Variants in SBF2 observed in about 807,000 individuals in gnomAD.
The protein encoded by SBF2 is myotubularin-related protein 13.
SBF2 carries 112 observed loss-of-function variants against 225.2 expected under a neutral mutation model. The ratio of observed to expected loss-of-function variants is 0.50; its 90% CI spans 0.43 to 0.58. The LOEUF is 0.58. SBF2 is among the 20% of genes least tolerant of loss of function. The pLI, the probability that SBF2 is intolerant of heterozygous loss-of-function variation, is 0.00. For missense variants in SBF2, 1,996 were observed against 2,206.2 expected (o/e 0.90, Z 1.91); for synonymous variants, 763 against 773.3 (o/e 0.99, Z 0.22).
At chr11:10,153,367 T>C (rs1311253487) in intron 2 of SBF2, among the ~76,000 whole-genome samples, 1 of 152,198 alleles carries the variant, frequency 6.6e-6, no homozygotes, top group African/African-American at 2.4e-5. Context: ...ACCATGCAGT[T>C]AAATTCAAAA....
chr11:9,857,235 G>A (rs928559579), intron 18 of SBF2, among the ~76,000 whole-genome samples: 1 of 152,160 alleles, frequency 6.6e-6, no homozygotes, highest in Non-Finnish European at 1.5e-5. Flanking sequence ...CAAACCTCAG[G>A]AAGCAGCAGC....
In SBF2 at chr11:9,858,399, G is replaced by A. The variant is rs200326515; in HGVS notation, c.1930-3C>T. On this transcript the variant is annotated splice_polypyrimidine_tract_variant and splice_region_variant and intron_variant, in intron 17 of 39. Coordinates refer to ENST00000256190, the MANE Select transcript of SBF2 (RefSeq NM_030962.4). ...TGGCTGACTCCAGGGGCAAGTTTCT[G>A]TGAGAACACACAAAATACATCATCA... 3.1e-6 allele frequency: 5 copies of A among 1,614,056 alleles called. No homozygotes were observed. The highest frequency in any genetic ancestry group is 1.7e-5 in the Admixed American group (1 of 60,022).
intron 2 of SBF2, among the ~76,000 whole-genome samples, chr11:10,102,559 G>A (rs1262325607): frequency 6.6e-6 from 1 of 152,192 alleles, no homozygotes; most frequent in Non-Finnish European, 1.5e-5. Context: ...AGTTCAGAGG[G>A]TTTTAAAGAT....
intron 13 of SBF2, among the ~76,000 whole-genome samples, chr11:9,976,765 T>C (rs1946705783): frequency 6.6e-6 from 1 of 151,106 alleles, no homozygotes; most frequent in African/African-American, 2.4e-5. Context: ...TTTTTTGTTG[T>C]TGTTGTTTTT....
chr11:10,102,265 C>T (rs557726557), intron 2 of SBF2, among the ~76,000 whole-genome samples: 132 of 152,338 alleles, frequency 8.7e-4, no homozygotes, highest in African/African-American at 3.0e-3. Flanking sequence ...GTTAGCCTGG[C>T]TCCCCAGCTA....
chr11:9,958,095 G>GA (rs1468980244), intron 16 of SBF2: 2 of 151,990 alleles, frequency 1.3e-5, no homozygotes, highest in East Asian at 3.9e-4. Context: ...GTCCCTCAAA[G>GA]AAAAAATCCC....
intron 1 of SBF2, among the ~76,000 whole-genome samples, chr11:10,208,693 T>C (rs1278713940): frequency 6.6e-6 from 1 of 152,088 alleles, no homozygotes; most frequent in African/African-American, 2.4e-5. Context: ...CCACAGAATA[T>C]TTAGCCTCCC....
At chr11:10,028,690 A>G in intron 5 of SBF2, 133 bp from the exon 6 acceptor site, 1 of 697,924 alleles carries the variant, frequency 1.4e-6, no homozygotes, top group East Asian at 2.6e-5. Flanking sequence ...AAAAGGCAAC[A>G]ATGTATATCC....
intron 39 of SBF2, chr11:9,780,869 G>C (rs1363466264): frequency 2.9e-6 from 1 of 339,046 alleles, no homozygotes; most frequent in Non-Finnish European, 5.7e-6. Context: ...AGCTCCTTGT[G>C]CTCCAGGGGG....
chr11:10,140,933 C>T (rs932660262), intron 2 of SBF2, among the ~76,000 whole-genome samples: 9 of 152,106 alleles, frequency 5.9e-5, no homozygotes, highest in Admixed American at 5.9e-4. Context: ...GTTTATTTTT[C>T]CTTTTTTATT....
At chr11:9,963,990 C>T (rs1001353841) in intron 14 of SBF2, 108 bp from the exon 15 acceptor site, 1 of 687,574 alleles carries the variant, frequency 1.5e-6, no homozygotes. Context: ...GAGGCTCACA[C>T]CCGTAATCCC....
At chr11:9,979,434 G>A (rs569764503) in intron 13 of SBF2, among the ~76,000 whole-genome samples, 1 of 152,264 alleles carries the variant, frequency 6.6e-6, no homozygotes, top group African/African-American at 2.4e-5. Flanking sequence ...ATATGATCAT[G>A]CTGTAATTAC....
At chr11:9,879,437 C>T (rs935359593) in intron 17 of SBF2, among the ~76,000 whole-genome samples, 9 of 152,000 alleles carry the variant, frequency 5.9e-5, no homozygotes, top group Admixed American at 3.3e-4. Flanking sequence ...TATTAGAGTC[C>T]ACTAAAAACC....
intron 2 of SBF2, among the ~76,000 whole-genome samples, chr11:10,140,829 C>T (rs995840261): frequency 3.3e-5 from 5 of 150,988 alleles, no homozygotes; most frequent in African/African-American, 1.2e-4. Context: ...CTGTAATACA[C>T]CCAGTTGGTG....
At chr11:9,827,103 G>C (rs1185661830) in intron 28 of SBF2, among the ~76,000 whole-genome samples, 1 of 152,154 alleles carries the variant, frequency 6.6e-6, no homozygotes, top group East Asian at 1.9e-4. Flanking sequence ...CTCCCAAAGT[G>C]CTGGGATTAT....
chr11:10,287,438 C>T (rs981336367), intron 1 of SBF2, among the ~76,000 whole-genome samples: 7 of 152,010 alleles, frequency 4.6e-5, no homozygotes, highest in Admixed American at 2.6e-4. Context: ...TGTGTCACCA[C>T]GCCAGGCTAT....
chr11:9,985,534 G>A (rs1454855015), intron 13 of SBF2, among the ~76,000 whole-genome samples: 1 of 152,064 alleles, frequency 6.6e-6, no homozygotes, highest in Non-Finnish European at 1.5e-5. Context: ...TGTTGGCAAG[G>A]CTGGTCTCAA....
intron 17 of SBF2, among the ~76,000 whole-genome samples, chr11:9,870,158 C>A (rs1293794764): frequency 6.6e-6 from 1 of 152,084 alleles, no homozygotes; most frequent in Non-Finnish European, 1.5e-5. Flanking sequence ...GCAAGTGAAG[C>A]ACCTCTTCAA....
intron 3 of SBF2, among the ~76,000 whole-genome samples, chr11:10,032,351 T>C (rs1175474201): frequency 1.3e-5 from 2 of 152,208 alleles, no homozygotes; most frequent in South Asian, 2.1e-4. Flanking sequence ...TAATCTCTTG[T>C]GTGGATTACT....
Sources: allele counts gnomAD v4.1 joint callset (sites outside exome capture counted in the v4.1 genomes callset), GRCh38; gene constraint gnomAD v4.1.1; transcripts MANE v1.5; gene names NCBI Gene and HGNC (gene_info 2026-07-23, HGNC 2026-07-21).